Variants in ANKRD33B observed in about 807,000 individuals in gnomAD.
ANKRD33B encodes the protein ankyrin repeat domain-containing protein 33B.
In ANKRD33B, 6 loss-of-function variants were observed where a neutral mutation model predicts 21.5. That is an observed-to-expected ratio of 0.28 (90% CI 0.15 to 0.55). The LOEUF is 0.55. ANKRD33B is among the 20% of genes least tolerant of loss of function. The pLI, the probability that ANKRD33B is intolerant of heterozygous loss-of-function variation, is 0.94. For missense variants in ANKRD33B, 698 were observed against 747.2 expected, an observed-to-expected ratio of 0.93 and a Z score of 0.77; for synonymous variants, 347 against 342.4, an observed-to-expected ratio of 1.01 and a Z score of -0.15.
chr5:10,626,293 T>G (rs1177433802), intron 2 of ANKRD33B, among the ~76,000 whole-genome samples: 1 of 152,220 alleles, frequency 6.6e-6, no homozygotes, highest in African/African-American at 2.4e-5. Context: ...TAGAACAGAA[T>G]TGCTTCAGCA....
rs567926477 is a variant in ANKRD33B, at chr5:10,579,293, A to C, written c.366+14460A>C. ...GGATTGGTTTGGGTGTGTGAGTTCTAACATAGACAGGAAGGCTATTTTTCC... is the reference window on the plus strand; with the variant it reads ...GGATTGGTTTGGGTGTGTGAGTTCTCACATAGACAGGAAGGCTATTTTTCC... On this transcript the variant is annotated intron_variant, in intron 1 of 3. Coordinates refer to ENST00000296657, the MANE Select transcript of ANKRD33B (RefSeq NM_001164440.2). Among the ~76,000 whole-genome samples, 12 of 151,792 alleles carry C rather than the reference A, an allele frequency of 7.9e-5. No individual in the cohort carries two copies. In the South Asian group the frequency reaches 2.5e-3, roughly 32 times the overall value.
chr5:10,638,779 C>T (rs11742946), intron 3 of ANKRD33B, among the ~76,000 whole-genome samples: 63,367 of 151,262 alleles, frequency 0.42, 13,475 homozygotes, highest in Middle Eastern at 0.56. Flanking sequence ...ACATGTTGCA[C>T]GGTAGCATTA....
At chr5:10,568,862 C>T (rs1410598749) in intron 1 of ANKRD33B, among the ~76,000 whole-genome samples, 1 of 152,096 alleles carries the variant, frequency 6.6e-6, no homozygotes, top group East Asian at 1.9e-4. Context: ...TTTCCAGGGT[C>T]TCTTGGTTAC....
intron 1 of ANKRD33B, among the ~76,000 whole-genome samples, chr5:10,569,597 A>AACATAAATAAATAAATAAAT (rs1735131113): frequency 6.7e-6 from 1 of 148,316 alleles, no homozygotes; most frequent in Non-Finnish European, 1.5e-5. Context: ...CCCGTGTTTG[A>AACATAAATAAATAAATAAAT]AAATAAATAA....
intron 1 of ANKRD33B, among the ~76,000 whole-genome samples, chr5:10,604,583 CAG>C (rs1471961004): frequency 6.6e-6 from 1 of 151,188 alleles, no homozygotes; most frequent in Non-Finnish European, 1.5e-5. Context: ...TAGTGAAGTC[CAG>C]AGAGGAGATT....
rs1736103855 is a variant in ANKRD33B at position 10,608,675 on chromosome 5, A to C, written c.367-9658A>C. Among the ~76,000 whole-genome samples, 4 of 151,644 alleles carry C rather than the reference A, an allele frequency of 2.6e-5. No homozygotes were observed. In the South Asian group the frequency reaches 6.2e-4, roughly 24 times the overall value. ...AGACCTCACTATGAAAAAAAAAAAA[A>C]CTTGAAACTGTTGAAATTAAATACA... is the stretch of plus-strand genomic sequence containing the variant. On this transcript the variant is annotated intron_variant, in intron 1 of 3. Coordinates refer to ENST00000296657, the MANE Select transcript of ANKRD33B (RefSeq NM_001164440.2).
At chr5:10,581,339 A>G (rs750065163) in intron 1 of ANKRD33B, among the ~76,000 whole-genome samples, 1 of 152,252 alleles carries the variant, frequency 6.6e-6, no homozygotes, top group Admixed American at 6.5e-5. Flanking sequence ...CCTTTCAGCC[A>G]GGTGTCCTAG....
chr5:10,589,217 C>T (rs1735631644), intron 1 of ANKRD33B, among the ~76,000 whole-genome samples: 1 of 152,116 alleles, frequency 6.6e-6, no homozygotes, highest in Non-Finnish European at 1.5e-5. Context: ...CCCACAGGCC[C>T]CTCCGTTTCT....
rs183392349 is a variant in ANKRD33B at position 10,569,383 on chromosome 5, G to A, written c.366+4550G>A. ...AGGCCGAGGCAGGCAGATCACTTGA[G>A]CCTAGGAGTTTGAGAACAGCCTGGG... is the stretch of plus-strand genomic sequence containing the variant. On this transcript the variant is annotated intron_variant, in intron 1 of 3. Transcript: ENST00000296657. Among the ~76,000 whole-genome samples, 619 of 152,204 alleles carry A rather than the reference G, an allele frequency of 4.1e-3. 6 individuals are homozygous for A. The highest frequency in any genetic ancestry group is 5.4e-3 in the Non-Finnish European group (366 of 68,014).
Position 10,652,765 on chromosome 5 carries a change from G to A in ANKRD33B, c.*2652G>A. 1 of 254,472 alleles carries A rather than the reference G, an allele frequency of 3.9e-6. No homozygotes were observed. The highest frequency in any genetic ancestry group is 4.1e-5 in the South Asian group (1 of 24,572). 15.8% of individuals were successfully genotyped at this position (254,472 alleles called of 1,614,324 possible). ...GCGGCCCTGCCCCCGATGTGTTCCA[G>A]CCTCATCCAGGTGCACAGGATACTC... On this transcript the variant is annotated 3_prime_UTR_variant, in exon 4 of 4. Coordinates refer to ENST00000296657, the MANE Select transcript of ANKRD33B (RefSeq NM_001164440.2). The surrounding 1 kb of genome is among the most constrained non-coding windows in gnomAD (Gnocchi z 4.1).
chr5:10,602,575 G>T (rs1374009707), intron 1 of ANKRD33B, among the ~76,000 whole-genome samples: 1 of 152,186 alleles, frequency 6.6e-6, no homozygotes, highest in East Asian at 1.9e-4. Flanking sequence ...CTCATGAATA[G>T]AACATGCTGT....
At chr5:10,637,916 C>T (rs139543817) in intron 2 of ANKRD33B, 112 bp from the exon 3 acceptor site, 15 of 1,247,116 alleles carry the variant, frequency 1.2e-5, no homozygotes, top group East Asian at 5.1e-5. Flanking sequence ...CACAGCAGAC[C>T]GGCTGGCCCA....
chr5:10,613,718 G>A (rs1736222415), intron 1 of ANKRD33B, among the ~76,000 whole-genome samples: 1 of 151,882 alleles, frequency 6.6e-6, no homozygotes, highest in Non-Finnish European at 1.5e-5. Flanking sequence ...GGCCAATATG[G>A]TGAAACCTCC....
rs1240954922 is a variant in ANKRD33B at position 10,656,553 on chromosome 5, C to CGTGTTGTTCA, written c.*6445_*6454dup. 1.3e-5 allele frequency: 2 copies of CGTGTTGTTCA among 152,348 alleles called. No individual in the cohort carries two copies. Among genetic ancestry groups the CGTGTTGTTCA allele is most frequent in the African/African-American group, 2.4e-5 (1 of 41,446 alleles). 9.4% of individuals were successfully genotyped at this position (152,348 alleles called of 1,614,324 possible). A position where few individuals can be genotyped will look rare whatever the true frequency, so the allele number is the denominator to read the frequency against. ...TGTCAGATGGAACCTGCTTTGATGG[C>CGTGTTGTTCA]GTGTTGTTCAGTGTACTCAGTGGGG... is the stretch of plus-strand genomic sequence containing the variant. On this transcript the variant is annotated 3_prime_UTR_variant, in exon 4 of 4. Coordinates refer to ENST00000296657, the MANE Select transcript of ANKRD33B (RefSeq NM_001164440.2).
At chr5:10,634,656 A>G (rs1436577372) in intron 2 of ANKRD33B, among the ~76,000 whole-genome samples, 3 of 151,138 alleles carry the variant, frequency 2.0e-5, no homozygotes, top group African/African-American at 7.3e-5. Flanking sequence ...GACAGGCACT[A>G]TGTTGCCCAG....
intron 3 of ANKRD33B, among the ~76,000 whole-genome samples, chr5:10,641,488 C>G (rs951608937): frequency 6.6e-6 from 1 of 151,968 alleles, no homozygotes; most frequent in African/African-American, 2.4e-5. Context: ...CTTAGCCTCC[C>G]AAAGTTCTGG....
chr5:10,617,259 T>C (rs1393914207), intron 1 of ANKRD33B, among the ~76,000 whole-genome samples: 1 of 152,236 alleles, frequency 6.6e-6, no homozygotes, highest in Non-Finnish European at 1.5e-5. Flanking sequence ...TCCACGCTGC[T>C]ATTCATCTCT....
chr5:10,596,194 G>A (rs1735813693), intron 1 of ANKRD33B, among the ~76,000 whole-genome samples: 1 of 152,188 alleles, frequency 6.6e-6, no homozygotes, highest in African/African-American at 2.4e-5. Flanking sequence ...TGAGGCACAT[G>A]TGCAGGATGT....
rs1258010636 is a variant in ANKRD33B at position 10,652,151 on chromosome 5, G to A, written c.*2038G>A. 6.6e-6 allele frequency: 1 copy of A among 152,370 alleles called. No individual in the cohort carries two copies. The highest frequency in any genetic ancestry group is 2.4e-5 in the African/African-American group (1 of 41,428). The allele number at this position is 152,370 out of a possible 1,614,324, so 9.4% of individuals were successfully genotyped here. ...TGTAGATAATTCACGGCATTACCAA[G>A]TCACCACGAGCCCCACCCTCACCTC... On this transcript the variant is annotated 3_prime_UTR_variant, in exon 4 of 4. Transcript: ENST00000296657. This position sits in a 1 kb window ranked among gnomAD's most constrained non-coding sequence, Gnocchi z 4.1.
Sources: allele counts gnomAD v4.1 joint callset (sites outside exome capture counted in the v4.1 genomes callset), GRCh38; gene constraint gnomAD v4.1.1; non-coding constraint Gnocchi (gnomAD v3.1); transcripts MANE v1.5; gene names NCBI Gene and HGNC (gene_info 2026-07-23, HGNC 2026-07-21).